The following SSH2 variants were observed in gnomAD, a reference collection of about 807,000 sequenced individuals.
SSH2 encodes slingshot protein phosphatase 2.
SSH2 carries 37 observed loss-of-function variants against 135.2 expected under a neutral mutation model. That is an observed-to-expected ratio of 0.27 (90% CI 0.21 to 0.36). The LOEUF is 0.36. Among genes scored for constraint, SSH2 ranks in the 10% least tolerant of loss-of-function variants. The pLI is 1.00. For missense variants in SSH2, 1,408 were observed against 1,765.3 expected (o/e 0.80, Z 3.63); for synonymous variants, 628 against 646.2 (o/e 0.97, Z 0.43).
intron 1 of SSH2, among the ~76,000 whole-genome samples, chr17:29,881,467 T>C (rs572018311): frequency 7.8e-4 from 119 of 152,198 alleles, no homozygotes; most frequent in African/African-American, 2.8e-3. Flanking sequence ...TCATTCTTTC[T>C]TCCTTTTCTT....
At chr17:29,656,246 G>A (rs1413147405) in intron 11 of SSH2, among the ~76,000 whole-genome samples, 1 of 152,080 alleles carries the variant, frequency 6.6e-6, no homozygotes, top group Non-Finnish European at 1.5e-5. Context: ...GCGTGATCTC[G>A]GTTCACTGCA....
At chr17:29,754,485 C>CT (rs1230871468) in intron 3 of SSH2, among the ~76,000 whole-genome samples, 1 of 152,114 alleles carries the variant, frequency 6.6e-6, no homozygotes, top group East Asian at 1.9e-4. Flanking sequence ...AGAAAGCACT[C>CT]ATGTGCTTCT....
intron 2 of SSH2, among the ~76,000 whole-genome samples, chr17:29,838,117 G>A (rs2042975892): frequency 6.6e-6 from 1 of 152,238 alleles, no homozygotes. Context: ...CTCACTGTCT[G>A]GCTTCTCCTG....
chr17:29,649,974 G>A (rs1004418638), intron 13 of SSH2, among the ~76,000 whole-genome samples: 2 of 152,128 alleles, frequency 1.3e-5, no homozygotes, highest in African/African-American at 4.8e-5. Flanking sequence ...TCATCTGCCA[G>A]GGATGGTTTG....
At chr17:29,719,663 G>A (rs2039754695) in intron 3 of SSH2, among the ~76,000 whole-genome samples, 1 of 151,978 alleles carries the variant, frequency 6.6e-6, no homozygotes, top group South Asian at 2.1e-4. Flanking sequence ...CCATTTCACA[G>A]ATGAGAAAAC....
intron 1 of SSH2, among the ~76,000 whole-genome samples, chr17:29,917,489 ATGCCTT>A (rs2066903326): frequency 6.6e-6 from 1 of 152,208 alleles, no homozygotes; most frequent in Non-Finnish European, 1.5e-5. Flanking sequence ...GGCAAAGGTA[ATGCCTT>A]ATATCATCCC....
intron 8 of SSH2, chr17:29,674,173 A>G (rs1408151230): frequency 4.4e-6 from 2 of 456,446 alleles, no homozygotes; most frequent in African/African-American, 2.0e-5. Flanking sequence ...TACAATGTAA[A>G]TTAAGAAAAC....
chr17:29,836,869 G>A (rs2042951509), intron 2 of SSH2, among the ~76,000 whole-genome samples: 2 of 152,140 alleles, frequency 1.3e-5, no homozygotes, highest in African/African-American at 4.8e-5. Context: ...TGTCTTAACC[G>A]GGGTCATCCA....
intron 1 of SSH2, among the ~76,000 whole-genome samples, chr17:29,905,825 A>G (rs1384794798): frequency 1.3e-5 from 2 of 152,136 alleles, no homozygotes; most frequent in Non-Finnish European, 2.9e-5. Flanking sequence ...CTCACCTCTG[A>G]GGCCCATAAA....
intron 14 of SSH2, among the ~76,000 whole-genome samples, chr17:29,647,031 T>C (rs916509910): frequency 1.3e-5 from 2 of 150,808 alleles, no homozygotes; most frequent in Admixed American, 1.3e-4. Context: ...TCCCAGCACT[T>C]TGGGAGGCCG....
chr17:29,816,678 G>A (rs1291590337), intron 2 of SSH2, among the ~76,000 whole-genome samples: 1 of 149,432 alleles, frequency 6.7e-6, no homozygotes, highest in Non-Finnish European at 1.5e-5. Context: ...ACAAAATACT[G>A]AAAAAGAAGA....
At chr17:29,870,923 A>G (rs1360930636) in intron 1 of SSH2, among the ~76,000 whole-genome samples, 2 of 152,264 alleles carry the variant, frequency 1.3e-5, no homozygotes, top group Admixed American at 6.5e-5. Flanking sequence ...CCCAAAGGTC[A>G]GAATGGAATC....
chr17:29,895,289 A>G (rs1431563077), intron 1 of SSH2, among the ~76,000 whole-genome samples: 1 of 119,616 alleles, frequency 8.4e-6, no homozygotes, highest in Non-Finnish European at 1.6e-5. Context: ...TATTTTATAT[A>G]TACATTTTAT....
chr17:29,823,403 G>A (rs901726648), intron 2 of SSH2, among the ~76,000 whole-genome samples: 1 of 152,118 alleles, frequency 6.6e-6, no homozygotes, highest in African/African-American at 2.4e-5. Flanking sequence ...CCCTTGCACT[G>A]GGCTAATGTT....
intron 3 of SSH2, among the ~76,000 whole-genome samples, chr17:29,741,062 G>A (rs1413840108): frequency 6.6e-6 from 1 of 152,104 alleles, no homozygotes; most frequent in Non-Finnish European, 1.5e-5. Flanking sequence ...TACTCAAATA[G>A]CTCACAAACT....
chr17:29,676,765 A>G, intron 8 of SSH2, 55 bp downstream of exon 8: 1 of 1,390,272 alleles, frequency 7.2e-7, no homozygotes, highest in Non-Finnish European at 1.0e-6. Context: ...TTCTTACAAA[A>G]TATTCCTCCA....
At chr17:29,717,292 T>A (rs2039657614) in intron 3 of SSH2, among the ~76,000 whole-genome samples, 1 of 152,170 alleles carries the variant, frequency 6.6e-6, no homozygotes, top group African/African-American at 2.4e-5. Context: ...TATGCTACCA[T>A]GCATGGCTAA....
rs1390487234 is a variant in SSH2 at position 29,738,548 on chromosome 17, TTATTTTATTTTA to T, written c.189-35498_189-35487del. ...GCTTAATTTTCTTTTTTTTTCTTTTTTATTTTATTTTATTTTTTTTTTTGAGACGGAGTCTCG... is the reference window on the plus strand; with the variant it reads ...GCTTAATTTTCTTTTTTTTTCTTTTTTTTTTTTTTTTGAGACGGAGTCTCG... On this transcript the variant is annotated intron_variant, in intron 3 of 15. Transcript: ENST00000540801. Among the ~76,000 whole-genome samples the T allele has an allele frequency of 4.0e-5, 6 of 150,140 alleles. No homozygotes were observed. The South Asian group carries it at 6.3e-4, about 16-fold the overall frequency.
intron 2 of SSH2, among the ~76,000 whole-genome samples, chr17:29,844,447 C>T (rs1265040640): frequency 2.0e-5 from 3 of 152,156 alleles, no homozygotes; most frequent in African/African-American, 7.2e-5. Context: ...CCAGCTCATC[C>T]AGAGCTTCTT....
Sources: allele counts gnomAD v4.1 joint callset (sites outside exome capture counted in the v4.1 genomes callset), GRCh38; gene constraint gnomAD v4.1.1; transcripts MANE v1.5; gene names NCBI Gene and HGNC (gene_info 2026-07-23, HGNC 2026-07-21).